The following RAB11FIP1 variants were observed in gnomAD, a reference collection of about 807,000 sequenced individuals.
RAB11FIP1 encodes the protein rab11 family-interacting protein 1.
A neutral mutation model predicts 83.1 loss-of-function variants in RAB11FIP1; 49 were observed. The ratio of observed to expected loss-of-function variants is 0.59; its 90% CI spans 0.47 to 0.75. The LOEUF is 0.75. Among genes scored for constraint, RAB11FIP1 ranks in the 30% least tolerant of loss-of-function variants. The pLI, the probability that RAB11FIP1 is intolerant of heterozygous loss-of-function variation, is 0.00. For missense variants in RAB11FIP1, 1,536 were observed against 1,598.7 expected (o/e 0.96, Z 0.67); for synonymous variants, 670 against 656.0 (o/e 1.02, Z -0.33).
rs1418358400 is a variant in RAB11FIP1 at position 37,887,520 on chromosome 8, G to A, written c.372-9969C>T. 2.1e-5 allele frequency among the ~76,000 whole-genome samples: 3 copies of A among 144,388 alleles called. No individual in the cohort carries two copies. The Admixed American group carries it at 2.1e-4, about 10-fold the overall frequency. 94.7% of individuals were successfully genotyped at this position (144,388 alleles called of 152,430 possible). On this transcript the variant is annotated intron_variant, in intron 1 of 5. Transcript: ENST00000330843. ...CACTCCAGCCTGGGTGGCAGAGTGA[G>A]ACGCCATCTCAAAAAAAAAAAAAAA...
In RAB11FIP1 at chr8:37,876,214, A is replaced by AAAGGAAGGAAGGAAGG. The variant is rs71216633; in HGVS notation, c.814+879_815-893dup. On this transcript the variant is annotated intron_variant, in intron 2 of 5. Transcript: ENST00000330843. ...CATCTCAAAAGAAAAGAAAAGAAAG[A>AAAGGAAGGAAGGAAGG]AAGGAAGGAAGGAAGGAAGGAAGGA... 2.5e-3 allele frequency among the ~76,000 whole-genome samples: 327 copies of AAAGGAAGGAAGGAAGG among 128,376 alleles called. 2 individuals carry two copies. The highest frequency in any genetic ancestry group is 7.7e-3 in the Middle Eastern group (2 of 260). 84.2% of individuals were successfully genotyped at this position (128,376 alleles called of 152,430 possible).
At chr8:37,863,589 C>T (rs1176850317) in intron 5 of RAB11FIP1, among the ~76,000 whole-genome samples, 3 of 152,146 alleles carry the variant, frequency 2.0e-5, no homozygotes, top group Non-Finnish European at 4.4e-5. Context: ...AGGTTGTTGA[C>T]TGATGAAGTC....
intron 5 of RAB11FIP1, among the ~76,000 whole-genome samples, chr8:37,868,191 G>T (rs927554491): frequency 6.6e-6 from 1 of 152,180 alleles, no homozygotes; most frequent in African/African-American, 2.4e-5. Flanking sequence ...GGAGGCTGAG[G>T]CGGGTGGATC....
Position 37,875,281 on chromosome 8 carries a change from G to A in RAB11FIP1, c.856C>T (p.Leu286=), listed in dbSNP as rs1806584818. ...GGAAGGGTAAAGTTGACCTGGTTCA[G>A]TTGCTTAAGATCCGTACTCGCTGTT... The part of the protein sequence containing the change: ...KRTASTDLKQ[L]NQVNFTLPKK... Residue 286 remains leucine, a synonymous_variant, in exon 3 of 6, where the codon CTG becomes TTG. Coordinates refer to ENST00000330843, the MANE Select transcript of RAB11FIP1 (RefSeq NM_001002814.3). 6.2e-7 allele frequency: 1 copy of A among 1,613,658 alleles called. No homozygotes were observed. The highest frequency in any genetic ancestry group is 1.3e-5 in the African/African-American group (1 of 74,844).
At position 37,859,254 on chromosome 8, in the gene RAB11FIP1, A is replaced by G. The variant is rs1193616831; in HGVS notation, c.*3641T>C. 6.6e-6 allele frequency: 1 copy of G among 152,176 alleles called. No individual in the cohort carries two copies. The highest frequency in any genetic ancestry group is 1.5e-5 in the Non-Finnish European group (1 of 68,034). 9.4% of individuals were successfully genotyped at this position (152,176 alleles called of 1,614,324 possible). On this transcript the variant is annotated 3_prime_UTR_variant, in exon 6 of 6. Transcript: ENST00000330843. ...GATAATTAGTAGTTCTAGAAAAAGA[A>G]AAAAAGTTGACTGGGAGAAGGGTGG... is the stretch of plus-strand genomic sequence containing the variant.
chr8:37,888,624 G>A (rs569955969), intron 1 of RAB11FIP1, among the ~76,000 whole-genome samples: 221 of 151,710 alleles, frequency 1.5e-3, no homozygotes, highest in African/African-American at 5.2e-3. Flanking sequence ...GATTACAGGC[G>A]TGCACCACCA....
chr8:37,884,285 G>A (rs1343456243), intron 1 of RAB11FIP1, among the ~76,000 whole-genome samples: 4 of 152,056 alleles, frequency 2.6e-5, no homozygotes, highest in South Asian at 4.2e-4. Flanking sequence ...GGCTGGTATC[G>A]AACTCCTGAC....
intron 1 of RAB11FIP1, among the ~76,000 whole-genome samples, chr8:37,898,482 G>A (rs939737452): frequency 5.3e-5 from 8 of 152,122 alleles, no homozygotes; most frequent in African/African-American, 1.9e-4. Context: ...ATGAAACCCC[G>A]TCTCTACTAA....
chr8:37,882,955 C>A (rs1470243487), intron 1 of RAB11FIP1, among the ~76,000 whole-genome samples: 5 of 152,284 alleles, frequency 3.3e-5, no homozygotes, highest in South Asian at 4.1e-4. Context: ...CAAATATAAA[C>A]GTCACCAACT....
In RAB11FIP1 at chr8:37,896,608, T is replaced by C. The variant is rs182931116; in HGVS notation, c.371+2463A>G. Among the ~76,000 whole-genome samples the C allele has an allele frequency of 5.3e-5, 8 of 152,106 alleles. No homozygotes were observed. In the East Asian group the frequency reaches 1.5e-3, roughly 29 times the overall value. ...TGTATAGGTTTAGGGTTACATTGGA[T>C]AAAATAAGAAAAATGAAGATGCAGA... On this transcript the variant is annotated intron_variant, in intron 1 of 5. Transcript: ENST00000330843.
chr8:37,860,279 C>T lies in RAB11FIP1; in HGVS notation c.*2616G>A, dbSNP rs1806209234. On this transcript the variant is annotated 3_prime_UTR_variant, in exon 6 of 6. Coordinates refer to ENST00000330843, the MANE Select transcript of RAB11FIP1 (RefSeq NM_001002814.3). ...GCCCCCCAGGGCACTTGGACTATCACAGTAAAAATACATTTATATCAAGTA... is the reference window on the plus strand; with the variant it reads ...GCCCCCCAGGGCACTTGGACTATCATAGTAAAAATACATTTATATCAAGTA... 3.9e-5 allele frequency: 6 copies of T among 152,640 alleles called. No homozygotes were observed. The highest frequency in any genetic ancestry group is 3.9e-4 in the Admixed American group (6 of 15,272). 9.5% of individuals were successfully genotyped at this position (152,640 alleles called of 1,614,324 possible). A position where few individuals can be genotyped will look rare whatever the true frequency, so the allele number is the denominator to read the frequency against.
At chr8:37,891,531 A>G (rs1168012327) in intron 1 of RAB11FIP1, among the ~76,000 whole-genome samples, 1 of 152,214 alleles carries the variant, frequency 6.6e-6, no homozygotes, top group Non-Finnish European at 1.5e-5. Flanking sequence ...CTTGTAATGT[A>G]ATTATAACAT....
intron 1 of RAB11FIP1, among the ~76,000 whole-genome samples, chr8:37,890,640 C>A (rs1187771882): frequency 1.3e-5 from 2 of 152,040 alleles, no homozygotes; most frequent in Non-Finnish European, 2.9e-5. Context: ...AAGTAACCTG[C>A]TTCTTCAAGA....
chr8:37,871,136 A>C, intron 4 of RAB11FIP1, 142 bp downstream of exon 4: 1 of 1,102,112 alleles, frequency 9.1e-7, no homozygotes, highest in Non-Finnish European at 1.3e-6. Flanking sequence ...TACCACCACA[A>C]GGGGCAGCCC....
intron 2 of RAB11FIP1, among the ~76,000 whole-genome samples, chr8:37,876,051 C>T (rs1017878763): frequency 1.1e-4 from 16 of 151,892 alleles, no homozygotes; most frequent in Non-Finnish European, 2.4e-4. Flanking sequence ...AAAAATTCAC[C>T]GGGTGTGGTG....
chr8:37,877,109 C>G lies in RAB11FIP1; in HGVS notation c.814G>C (p.Val272Leu), dbSNP rs762361457. Residue 272 changes from valine (V) to leucine (L), a missense_variant and splice_region_variant, in exon 2 of 6, where the codon GTC becomes CTC. By Grantham distance (32) the Val-to-Leu change is conservative. Coordinates refer to ENST00000330843, the MANE Select transcript of RAB11FIP1 (RefSeq NM_001002814.3). The stretch of plus-strand genomic sequence containing the variant: ...CAAGCAGGAAGAGGCAGAAACTCAC[C>G]ATCCGAGGCCGAGGAGGACTCATCC... ...NEDESSSASD[V>L]MSHKRTASTD... is the part of the protein sequence containing the mutation. 6.2e-7 allele frequency: 1 copy of G among 1,605,728 alleles called. No homozygotes were observed. Among genetic ancestry groups the G allele is most frequent in the Non-Finnish European group, 8.5e-7 (1 of 1,173,492 alleles).
At chr8:37,873,664 A>T (rs565788767) in intron 3 of RAB11FIP1, among the ~76,000 whole-genome samples, 1 of 152,206 alleles carries the variant, frequency 6.6e-6, no homozygotes, top group African/African-American at 2.4e-5. Flanking sequence ...AACCAAGCAG[A>T]TCCGTCACAC....
At chr8:37,895,729 T>C (rs545650835) in intron 1 of RAB11FIP1, among the ~76,000 whole-genome samples, 32 of 152,234 alleles carry the variant, frequency 2.1e-4, no homozygotes, top group African/African-American at 7.5e-4. Flanking sequence ...AAATAAATGA[T>C]ACTGGGGCCT....
chr8:37,877,190 T>C lies in RAB11FIP1; in HGVS notation c.733A>G (p.Lys245Glu). ...AAGTCTCCGGGACGAAGCAGCACTT[T>C]TTCTGGCTTTGAAGTCGGCAGGACA... Reference protein sequence around the residue: ...MSVLPTSKPEKVLLRPGDFQS... With the variant: ...MSVLPTSKPEEVLLRPGDFQS... The change falls in exon 2 of 6, where the codon AAA becomes GAA. Residue 245 changes from lysine (K) to glutamate (E), a missense_variant. Transcript: ENST00000330843. 6.2e-7 allele frequency: 1 copy of C among 1,614,166 alleles called. No homozygotes were observed. The highest frequency in any genetic ancestry group is 1.1e-5 in the South Asian group (1 of 91,080).
Sources: allele counts gnomAD v4.1 joint callset (sites outside exome capture counted in the v4.1 genomes callset), GRCh38; gene constraint gnomAD v4.1.1; transcripts MANE v1.5; gene names NCBI Gene and HGNC (gene_info 2026-07-23, HGNC 2026-07-21).